PDE4D: variants seen among roughly 807,000 people sequenced by gnomAD.
The protein encoded by PDE4D is phosphodiesterase 4D, also known as 3',5'-cyclic-AMP phosphodiesterase 4D.
A neutral mutation model predicts 87.4 loss-of-function variants in PDE4D; 24 were observed. The ratio of observed to expected loss-of-function variants is 0.27; its 90% CI spans 0.20 to 0.39. PDE4D has a LOEUF of 0.39. Ranked by LOEUF, PDE4D falls within the 10% of genes least tolerant of loss-of-function variation. PDE4D has a pLI of 1.00. For synonymous variants in PDE4D, 384 were observed against 383.2 expected (o/e 1.00, Z -0.02); for missense variants, 714 against 1,041.0 (o/e 0.69, Z 4.32).
At chr5:59,579,911 C>T (rs957105437) in intron 1 of PDE4D, among the ~76,000 whole-genome samples, 1 of 152,184 alleles carries the variant, frequency 6.6e-6, no homozygotes, top group Non-Finnish European at 1.5e-5. Context: ...ACCACAAATT[C>T]CTTTTAAATT....
At position 59,313,549 on chromosome 5, in the gene PDE4D, T is replaced by C. The variant is rs1029081953; in HGVS notation, c.456-97581A>G. On this transcript the variant is annotated intron_variant, in intron 1 of 14. Coordinates refer to ENST00000340635, the MANE Select transcript of PDE4D (RefSeq NM_001104631.2). ...CAAAGAAATCTAACCAAGCTATATC[T>C]TGAGTGGGGACAACTTCTGCTGTAT... is the stretch of plus-strand genomic sequence containing the variant. Among the ~76,000 whole-genome samples, 4 of 152,142 alleles carry C rather than the reference T, an allele frequency of 2.6e-5. 1 individual carries two copies. The East Asian group carries it at 7.7e-4, about 29-fold the overall frequency.
intron 1 of PDE4D, among the ~76,000 whole-genome samples, chr5:59,734,101 G>A (rs1757751774): frequency 6.6e-6 from 1 of 151,860 alleles, no homozygotes; most frequent in South Asian, 2.1e-4. Context: ...ACAGATACAG[G>A]GCTATAATCC....
intron 6 of PDE4D, among the ~76,000 whole-genome samples, chr5:58,997,185 CCT>C (rs1333275947): frequency 6.6e-6 from 1 of 152,096 alleles, no homozygotes; most frequent in Non-Finnish European, 1.5e-5. Context: ...ACATTGTTTT[CCT>C]TTTTTGCTAT....
chr5:59,293,657 A>AT (rs1768482004), intron 1 of PDE4D, among the ~76,000 whole-genome samples: 1 of 152,156 alleles, frequency 6.6e-6, no homozygotes, highest in African/African-American at 2.4e-5. Flanking sequence ...AACCAAATGC[A>AT]TTTTTTCTCC....
At chr5:60,348,959 G>A (rs1048108108) in intron 1 of PDE4D, among the ~76,000 whole-genome samples, 5 of 152,108 alleles carry the variant, frequency 3.3e-5, no homozygotes, top group Non-Finnish European at 5.9e-5. Context: ...CAATTATCAT[G>A]TAGATACAAA....
chr5:60,236,023 A>T (rs1297394619), intron 1 of PDE4D, among the ~76,000 whole-genome samples: 1 of 151,922 alleles, frequency 6.6e-6, no homozygotes, highest in African/African-American at 2.4e-5. Flanking sequence ...TGCTGGAGCA[A>T]TGCATACAGA....
intron 1 of PDE4D, among the ~76,000 whole-genome samples, chr5:59,235,242 A>G (rs2153519288): frequency 6.6e-6 from 1 of 152,270 alleles, no homozygotes; most frequent in South Asian, 2.1e-4. Flanking sequence ...ATGTCCAAAA[A>G]GAGTTCCATC....
At chr5:59,493,353 A>G (rs1806578775) in intron 1 of PDE4D, among the ~76,000 whole-genome samples, 1 of 152,218 alleles carries the variant, frequency 6.6e-6, no homozygotes, top group Non-Finnish European at 1.5e-5. Flanking sequence ...TATATACGTA[A>G]ATGCCTTGCA....
chr5:59,430,038 A>G (rs1245758521), intron 1 of PDE4D, among the ~76,000 whole-genome samples: 2 of 152,140 alleles, frequency 1.3e-5, no homozygotes, highest in African/African-American at 4.8e-5. Flanking sequence ...GGTGATTTTG[A>G]TGGCAATACA....
intron 1 of PDE4D, among the ~76,000 whole-genome samples, chr5:59,226,780 A>G (rs1007814156): frequency 1.5e-4 from 23 of 152,170 alleles, no homozygotes; most frequent in Admixed American, 1.3e-3. Context: ...AATTACCTAG[A>G]AATCATGAGA....
At chr5:59,171,929 A>C (rs1186863158) in intron 5 of PDE4D, among the ~76,000 whole-genome samples, 1 of 97,712 alleles carries the variant, frequency 1.0e-5, no homozygotes, top group Non-Finnish European at 1.8e-5. Context: ...TATATAATAA[A>C]TATTATATTT....
intron 1 of PDE4D, among the ~76,000 whole-genome samples, chr5:59,320,172 G>A (rs369763461): frequency 1.4e-4 from 22 of 152,040 alleles, no homozygotes; most frequent in African/African-American, 1.9e-4. Context: ...GTGTGTGCAC[G>A]CGCATGCATG....
chr5:60,027,317 C>T (rs753612463), intron 2 of PDE4D, among the ~76,000 whole-genome samples: 3 of 152,144 alleles, frequency 2.0e-5, no homozygotes, highest in Non-Finnish European at 4.4e-5. Flanking sequence ...TAAGTGAGAA[C>T]ATGAGGTATT....
At chr5:59,682,952 A>G (rs529659706) in intron 1 of PDE4D, among the ~76,000 whole-genome samples, 1 of 152,362 alleles carries the variant, frequency 6.6e-6, no homozygotes, top group South Asian at 2.1e-4. Flanking sequence ...TTAAAGAGAC[A>G]TGACAACTGA....
chr5:59,785,584 G>A (rs1355377467), intron 1 of PDE4D, among the ~76,000 whole-genome samples: 2 of 152,212 alleles, frequency 1.3e-5, no homozygotes, highest in Non-Finnish European at 2.9e-5. Context: ...GGATGAATAT[G>A]AGGAAGAGGA....
intron 3 of PDE4D, among the ~76,000 whole-genome samples, chr5:59,977,027 C>T (rs1209721063): frequency 4.6e-5 from 7 of 152,126 alleles, no homozygotes; most frequent in Admixed American, 4.6e-4. Flanking sequence ...TTCCCTGACA[C>T]ACAATAATAT....
intron 1 of PDE4D, among the ~76,000 whole-genome samples, chr5:60,443,641 G>A (rs1745417087): frequency 6.6e-6 from 1 of 152,108 alleles, no homozygotes; most frequent in African/African-American, 2.4e-5. Flanking sequence ...CAGGTAATGC[G>A]ATAAAGAATC....
chr5:59,577,050 G>T (rs989745882), intron 1 of PDE4D, among the ~76,000 whole-genome samples: 3 of 151,998 alleles, frequency 2.0e-5, no homozygotes, highest in Non-Finnish European at 2.9e-5. Context: ...TAAACATAGT[G>T]AGCAACCCAA....
chr5:60,067,774 TG>T (rs1655365171), intron 2 of PDE4D, among the ~76,000 whole-genome samples: 1 of 152,154 alleles, frequency 6.6e-6, no homozygotes, highest in Admixed American at 6.6e-5. Context: ...TTTGATTCTA[TG>T]AATTTGACTA....
Sources: gnomAD v4.1 joint callset for allele counts (sites outside exome capture counted in the v4.1 genomes callset) on GRCh38, gnomAD v4.1.1 for gene constraint, MANE v1.5 for transcripts, NCBI Gene and HGNC (gene_info 2026-07-23, HGNC 2026-07-21) for gene names.